ACSS2: variants seen among roughly 807,000 people sequenced by gnomAD.
ACSS2 encodes acetyl-coenzyme A synthetase, cytoplasmic.
ACSS2 carries 58 observed loss-of-function variants against 90.6 expected under a neutral mutation model. That is an observed-to-expected ratio of 0.64 (90% CI 0.52 to 0.80). The LOEUF (loss-of-function observed/expected upper bound fraction) is 0.80. Ranked by LOEUF, ACSS2 falls within the 30% of genes least tolerant of loss-of-function variation. The pLI is 0.00. For missense variants in ACSS2, 759 were observed against 912.0 expected (o/e 0.83, Z 2.16); for synonymous variants, 300 against 330.9 (o/e 0.91, Z 1.01).
chr20:34,880,515 G>A (rs565358432), intron 1 of ACSS2, among the ~76,000 whole-genome samples: 8 of 151,978 alleles, frequency 5.3e-5, no homozygotes, highest in African/African-American at 1.4e-4. Flanking sequence ...CTGCACTCCA[G>A]CCTGGGTGAC....
At chr20:34,922,764 A>C (rs2147102406) in intron 13 of ACSS2, 1 of 155,032 alleles carries the variant, frequency 6.5e-6, no homozygotes, top group African/African-American at 2.4e-5. Context: ...TGTCCCTTCA[A>C]CCCCACCCCA....
intron 2 of ACSS2, among the ~76,000 whole-genome samples, chr20:34,906,152 G>A (rs1190530729): frequency 6.6e-6 from 1 of 152,072 alleles, no homozygotes; most frequent in African/African-American, 2.4e-5. Context: ...TGGCTAACAC[G>A]GTGAAACCCC....
chr20:34,925,532 G>A (rs138024090), intron 14 of ACSS2, among the ~76,000 whole-genome samples, 166 bp from the exon 15 acceptor site: 51 of 152,266 alleles, frequency 3.3e-4, no homozygotes, highest in Non-Finnish European at 6.5e-4. Context: ...AATACCAAGA[G>A]GCAGAGATCA....
In ACSS2 at chr20:34,876,665, G is replaced by A. The variant is rs758995393; in HGVS notation, c.20G>A (p.Arg7Gln). 1.4e-6 allele frequency: 2 copies of A among 1,394,886 alleles called. No homozygotes were observed. Among genetic ancestry groups the A allele is most frequent in the East Asian group, 3.0e-5 (1 of 33,440 alleles). The allele number at this position is 1,394,886 out of a possible 1,614,324, so 86.4% of individuals were successfully genotyped here. ...GACGTGATGGGGCTTCCTGAGGAGCGGGTCCGGAGCGGCAGCGGGAGCCGG... is the reference window on the plus strand; with the variant it reads ...GACGTGATGGGGCTTCCTGAGGAGCAGGTCCGGAGCGGCAGCGGGAGCCGG... MGLPEE[R>Q]VRSGSGSRGQ... The change falls in exon 1 of 18, where the codon CGG becomes CAG. Residue 7 changes from arginine to glutamine, a missense_variant. By Grantham distance (43) the Arg-to-Gln change is conservative. Transcript: ENST00000360596.
intron 2 of ACSS2, 83 bp downstream of exon 2, chr20:34,883,072 T>C (rs1347140075): frequency 9.2e-7 from 1 of 1,087,920 alleles, no homozygotes; most frequent in Non-Finnish European, 1.3e-6. Context: ...AAGCAAAGTG[T>C]CATCAACTTA....
chr20:34,905,975 C>T (rs1250687285), intron 2 of ACSS2, among the ~76,000 whole-genome samples: 1 of 152,180 alleles, frequency 6.6e-6, no homozygotes, highest in Non-Finnish European at 1.5e-5. Flanking sequence ...CCCTGTGATG[C>T]CAAGCATAGC....
intron 2 of ACSS2, among the ~76,000 whole-genome samples, chr20:34,909,453 G>GA (rs1188363134): frequency 2.0e-5 from 3 of 152,110 alleles, no homozygotes; most frequent in Non-Finnish European, 2.9e-5. Context: ...TGTTAAATTT[G>GA]AAAAATCAAG....
At chr20:34,921,752 C>T (rs1295304218) in intron 12 of ACSS2, 34 bp from the exon 13 acceptor site, 3 of 1,611,734 alleles carry the variant, frequency 1.9e-6, no homozygotes, top group Admixed American at 3.4e-5. Flanking sequence ...TGCCTCATTC[C>T]TCTTCTTGGG....
chr20:34,895,018 A>G (rs574247426), intron 2 of ACSS2, among the ~76,000 whole-genome samples: 1 of 152,246 alleles, frequency 6.6e-6, no homozygotes, highest in African/African-American at 2.4e-5. Context: ...GTATTTTTGT[A>G]ACCTCCTCAG....
Position 34,921,524 on chromosome 20 carries a change from CT to C in ACSS2, c.1411-19del. ...AATGTGGGAAGATTGACTCAAATTT[CT>C]CATCTCTGACTTCCCCAGGGTGGCC... On this transcript the variant is annotated intron_variant, in intron 11 of 17. Coordinates refer to ENST00000360596, the MANE Select transcript of ACSS2 (RefSeq NM_018677.4). 6.2e-7 allele frequency: 1 copy of C among 1,614,204 alleles called. No homozygotes were observed. Among genetic ancestry groups the C allele is most frequent in the Non-Finnish European group, 8.5e-7 (1 of 1,180,024 alleles).
intron 2 of ACSS2, among the ~76,000 whole-genome samples, chr20:34,898,954 A>G (rs2080549489): frequency 6.6e-6 from 1 of 152,226 alleles, no homozygotes; most frequent in African/African-American, 2.4e-5. Flanking sequence ...CCCCGCGGGA[A>G]GGCAGCTAAG....
intron 2 of ACSS2, among the ~76,000 whole-genome samples, chr20:34,911,151 G>A (rs2080945488): frequency 6.6e-6 from 1 of 151,052 alleles, no homozygotes; most frequent in Non-Finnish European, 1.5e-5. Context: ...CTGAGTGGCT[G>A]GGACTATAGG....
At chr20:34,902,360 A>T (rs1044369122) in intron 2 of ACSS2, among the ~76,000 whole-genome samples, 30 of 152,330 alleles carry the variant, frequency 2.0e-4, no homozygotes, top group Admixed American at 2.0e-4. Flanking sequence ...AAAGAAGTAT[A>T]GTTTGAGAAA....
chr20:34,902,616 C>T (rs2080691730), intron 2 of ACSS2, among the ~76,000 whole-genome samples: 1 of 152,080 alleles, frequency 6.6e-6, no homozygotes, highest in South Asian at 2.1e-4. Context: ...CAAGGCATAG[C>T]AGGAGTGCGG....
rs202132151 is a variant in ACSS2 at position 34,914,378 on chromosome 20, G to T, written c.775G>T (p.Gly259Cys). The T allele has an allele frequency of 7.4e-6, 12 of 1,613,766 alleles. No individual in the cohort carries two copies. Among genetic ancestry groups the T allele is most frequent in the African/African-American group, 1.3e-5 (1 of 74,902 alleles). ...CAAGCACCTGGGGCGGGCAGAGCTC[G>T]GCATGGGTGACTCCACCAGCCAGTC... ...VVKHLGRAEL[G>C]MGDSTSQSPP... Residue 259 changes from glycine (G) to cysteine (C), a missense_variant, in exon 7 of 18, where the codon GGC (glycine) becomes TGC (cysteine). Physicochemically the swap from Gly to Cys is radical, Grantham distance 159. Transcript: ENST00000360596.
chr20:34,898,865 G>C (rs560011540), intron 2 of ACSS2, among the ~76,000 whole-genome samples: 13 of 152,114 alleles, frequency 8.5e-5, no homozygotes, highest in African/African-American at 1.7e-4. Flanking sequence ...GTGCTCGTCG[G>C]GGGGGCTCGG....
intron 2 of ACSS2, among the ~76,000 whole-genome samples, chr20:34,911,316 T>C (rs1455660331): frequency 2.0e-5 from 3 of 151,790 alleles, no homozygotes; most frequent in African/African-American, 7.3e-5. Context: ...GCCTCCCGAG[T>C]AGCTGGCATT....
chr20:34,911,142 T>G (rs2080945115), intron 2 of ACSS2, among the ~76,000 whole-genome samples: 1 of 150,614 alleles, frequency 6.6e-6, no homozygotes, highest in Non-Finnish European at 1.5e-5. Flanking sequence ...CTCATCTTTC[T>G]GAGTGGCTGG....
intron 2 of ACSS2, among the ~76,000 whole-genome samples, chr20:34,896,006 C>G (rs1048804915): frequency 2.0e-5 from 3 of 151,980 alleles, no homozygotes; most frequent in African/African-American, 7.3e-5. Flanking sequence ...TGTTTCTGCT[C>G]TAGGCATATT....
Sources: allele counts gnomAD v4.1 joint callset (sites outside exome capture counted in the v4.1 genomes callset), GRCh38; gene constraint gnomAD v4.1.1; transcripts MANE v1.5; gene names NCBI Gene and HGNC (gene_info 2026-07-23, HGNC 2026-07-21).